MDGA2: variants seen among roughly 807,000 people sequenced by gnomAD.
MDGA2 encodes MAM domain-containing glycosylphosphatidylinositol anchor protein 2.
MDGA2 carries 40 observed loss-of-function variants against 117.8 expected under a neutral mutation model. That is an observed-to-expected ratio of 0.34 (90% CI 0.26 to 0.44). The LOEUF is 0.44. MDGA2 is among the 20% of genes least tolerant of loss of function. The pLI, the probability that MDGA2 is intolerant of heterozygous loss-of-function variation, is 1.00. For missense variants in MDGA2, 1,123 were observed against 1,250.6 expected (o/e 0.90, Z 1.54); for synonymous variants, 452 against 439.0 (o/e 1.03, Z -0.37).
At chr14:47,406,389 A>G (rs1892261814) in intron 1 of MDGA2, among the ~76,000 whole-genome samples, 1 of 152,052 alleles carries the variant, frequency 6.6e-6, no homozygotes. Flanking sequence ...GACTGACAAT[A>G]TGGTAACTAT....
intron 1 of MDGA2, among the ~76,000 whole-genome samples, chr14:47,617,246 C>T (rs1325907480): frequency 2.0e-5 from 3 of 151,642 alleles, no homozygotes; most frequent in Non-Finnish European, 2.9e-5. Flanking sequence ...CGCTCTGTCG[C>T]CTAGGCTGGA....
intron 1 of MDGA2, among the ~76,000 whole-genome samples, chr14:47,307,193 T>C (rs183707357): frequency 1.3e-5 from 2 of 152,288 alleles, no homozygotes; most frequent in Non-Finnish European, 2.9e-5. Context: ...CATTCTTTTC[T>C]TTCCTATCTG....
At chr14:47,368,705 T>A (rs1367977686) in intron 1 of MDGA2, among the ~76,000 whole-genome samples, 1 of 152,222 alleles carries the variant, frequency 6.6e-6, no homozygotes, top group African/African-American at 2.4e-5. Context: ...ACATTTTATA[T>A]TTATTCAGGT....
At chr14:47,547,224 C>T (rs989675490) in intron 1 of MDGA2, among the ~76,000 whole-genome samples, 2 of 152,144 alleles carry the variant, frequency 1.3e-5, no homozygotes, top group Non-Finnish European at 2.9e-5. Flanking sequence ...AGAAAGACTG[C>T]ATCCAGTATA....
chr14:47,324,734 A>C (rs971148939), intron 1 of MDGA2, among the ~76,000 whole-genome samples: 4 of 152,180 alleles, frequency 2.6e-5, no homozygotes, highest in Non-Finnish European at 4.4e-5. Flanking sequence ...TGGTTTTAAA[A>C]TTTAAACATG....
At chr14:47,295,601 T>G (rs1889037304) in intron 2 of MDGA2, among the ~76,000 whole-genome samples, 1 of 152,150 alleles carries the variant, frequency 6.6e-6, no homozygotes, top group Non-Finnish European at 1.5e-5. Flanking sequence ...CCTGCTCATT[T>G]ATATATCAAA....
At chr14:47,540,102 C>T (rs548283810) in intron 1 of MDGA2, among the ~76,000 whole-genome samples, 2 of 152,252 alleles carry the variant, frequency 1.3e-5, no homozygotes, top group South Asian at 2.1e-4. Flanking sequence ...AGGCTCCGCC[C>T]CCCGGGGTTC....
intron 1 of MDGA2, chr14:47,626,548 G>T (rs1594950415): frequency 6.5e-6 from 1 of 152,694 alleles, no homozygotes; most frequent in African/African-American, 2.4e-5. Flanking sequence ...TTGCAGGGAG[G>T]TGCCGACGAA....
chr14:46,981,171 A>AGGGGG (rs58347137), intron 8 of MDGA2, among the ~76,000 whole-genome samples: 43 of 151,012 alleles, frequency 2.8e-4, no homozygotes, highest in African/African-American at 6.3e-4. Flanking sequence ...TGGGAGGCCA[A>AGGGGG]GGGGGGGGCG....
chr14:47,621,372 T>G (rs1405748874), intron 1 of MDGA2, among the ~76,000 whole-genome samples: 1 of 152,134 alleles, frequency 6.6e-6, no homozygotes. Flanking sequence ...ATTTTTTTTT[T>G]AGAGACATGG....
intron 1 of MDGA2, among the ~76,000 whole-genome samples, chr14:47,470,937 A>G (rs528680041): frequency 6.6e-6 from 1 of 152,280 alleles, no homozygotes; most frequent in South Asian, 2.1e-4. Context: ...GTGAATTTAC[A>G]TATTATGATT....
At chr14:47,175,715 A>T (rs964313174) in intron 3 of MDGA2, among the ~76,000 whole-genome samples, 2 of 148,224 alleles carry the variant, frequency 1.3e-5, no homozygotes, top group African/African-American at 5.1e-5. Flanking sequence ...CAAAAACTGG[A>T]AGCATTTCCT....
intron 5 of MDGA2, among the ~76,000 whole-genome samples, chr14:47,107,044 C>T (rs11621974): frequency 0.4 from 45,019 of 113,430 alleles, 12,294 homozygotes; most frequent in South Asian, 0.56. Context: ...GCCTCCTTTG[C>T]GTCCACCTCT....
intron 2 of MDGA2, among the ~76,000 whole-genome samples, chr14:47,274,939 T>A (rs978859241): frequency 6.6e-6 from 1 of 152,110 alleles, no homozygotes; most frequent in Non-Finnish European, 1.5e-5. Flanking sequence ...GTTGTAAGAG[T>A]TCTTTATAAA....
chr14:47,354,993 G>A (rs1424514740), intron 1 of MDGA2, among the ~76,000 whole-genome samples: 1 of 152,000 alleles, frequency 6.6e-6, no homozygotes, highest in Admixed American at 6.6e-5. Context: ...TAGGAGAAGA[G>A]GCTCTTACTA....
chr14:46,858,594 AT>A lies in MDGA2; in HGVS notation c.2753-3441del, dbSNP rs1391777110. 6.6e-5 allele frequency among the ~76,000 whole-genome samples: 10 copies of A among 151,392 alleles called. 1 individual carries two copies. Among genetic ancestry groups the A allele is most frequent in the African/African-American group, 2.2e-4 (9 of 41,332 alleles). ...AGGCGCCTGTTACCACACCCGGCTA[AT>A]TTTTTGTATTTTTAGTAGAGATGGG... is the stretch of plus-strand genomic sequence containing the variant. On this transcript the variant is annotated intron_variant, in intron 14 of 16. Coordinates refer to ENST00000399232, the MANE Select transcript of MDGA2 (RefSeq NM_001113498.3).
intron 7 of MDGA2, among the ~76,000 whole-genome samples, chr14:47,053,175 C>T (rs1316787496): frequency 6.6e-6 from 1 of 151,822 alleles, no homozygotes; most frequent in Non-Finnish European, 1.5e-5. Context: ...CCTTGATTTC[C>T]ATTGATCAGT....
intron 1 of MDGA2, among the ~76,000 whole-genome samples, chr14:47,420,685 C>A (rs1048173228): frequency 3.3e-5 from 5 of 151,954 alleles, no homozygotes; most frequent in African/African-American, 4.8e-5. Context: ...TCTCATGAAG[C>A]CATAGGTATT....
chr14:47,553,120 A>G (rs1895616423), intron 1 of MDGA2, among the ~76,000 whole-genome samples: 1 of 152,122 alleles, frequency 6.6e-6, no homozygotes, highest in Non-Finnish European at 1.5e-5. Context: ...CTGCTTTGGC[A>G]CTCTGTGCCA....
Sources: allele counts gnomAD v4.1 joint callset (sites outside exome capture counted in the v4.1 genomes callset), GRCh38; gene constraint gnomAD v4.1.1; transcripts MANE v1.5; gene names NCBI Gene and HGNC (gene_info 2026-07-23, HGNC 2026-07-21).